NCAPD2: variants seen among roughly 807,000 people sequenced by gnomAD.
The protein encoded by NCAPD2 is non-SMC condensin I complex subunit D2.
NCAPD2 carries 100 observed loss-of-function variants against 164.5 expected under a neutral mutation model. The observed-to-expected ratio is 0.61, with a 90% confidence interval of 0.52 to 0.72. The LOEUF (loss-of-function observed/expected upper bound fraction) is 0.72, where lower values mean the gene tolerates loss of function less well. Among genes scored for constraint, NCAPD2 ranks in the 30% least tolerant of loss-of-function variants. The pLI, the probability that NCAPD2 is intolerant of heterozygous loss-of-function variation, is 0.00. For synonymous variants in NCAPD2, 585 were observed against 642.6 expected, an observed-to-expected ratio of 0.91 and a Z score of 1.36; for missense variants, 1,560 against 1,749.2, an observed-to-expected ratio of 0.89 and a Z score of 1.93.
At position 6,522,933 on chromosome 12, in the gene NCAPD2, C is replaced by T. The variant is rs1442483081; in HGVS notation, c.2060C>T (p.Pro687Leu). 4 of 1,614,174 alleles carry T rather than the reference C, an allele frequency of 2.5e-6. No homozygotes were observed. The highest frequency in any genetic ancestry group is 3.4e-6 in the Non-Finnish European group (4 of 1,180,034). ...CTGCCTCTCATCTGGTCTAAGGAGC[C>T]TGGTGTCCGGGAAGCCGTGCTTAAT... The part of the protein sequence containing the change: ...RMLPLIWSKE[P>L]GVREAVLNAY... The change falls in exon 16 of 32, where the codon CCT (proline) becomes CTT (leucine). Residue 687 changes from proline (P) to leucine (L), a missense_variant. Transcript: ENST00000315579.
chr12:6,527,794 C>T lies in NCAPD2; in HGVS notation c.2925C>T (p.Thr975=). Residue 975 remains threonine, a synonymous_variant, in exon 23 of 32, where the codon ACC becomes ACT. Transcript: ENST00000315579. ...CCCTTTAGAATACGAGCTCTGAGACCACCATGGAGGAGGAGCTGGGGCTGG... is the reference window on the plus strand; with the variant it reads ...CCCTTTAGAATACGAGCTCTGAGACTACCATGGAGGAGGAGCTGGGGCTGG... ...DPKEKNTSSE[T]TMEEELGLVG... is the part of the protein sequence containing the mutation. 4 of 1,612,902 alleles carry T rather than the reference C, an allele frequency of 2.5e-6. No homozygotes were observed. The highest frequency in any genetic ancestry group is 3.4e-6 in the Non-Finnish European group (4 of 1,179,024).
rs1427618586 is a variant in NCAPD2, at chr12:6,529,790, G to A, written c.3669G>A (p.Gln1223=). ...RFRTSRTERQ[Q]RDLAYCVSQL... is the part of the protein sequence containing the mutation. ...CTATCTGCAGAACTGAGCGGCAGCA[G>A]CGAGACCTGGCCTACTGTGTGTCAC... The change falls in exon 29 of 32, where the codon CAG becomes CAA. Residue 1223 remains glutamine, a synonymous_variant. Coordinates refer to ENST00000315579, the MANE Select transcript of NCAPD2 (RefSeq NM_014865.4). 1.2e-6 allele frequency: 2 copies of A among 1,613,376 alleles called. No homozygotes were observed.
rs1216220765 is a variant in NCAPD2 at position 6,527,969 on chromosome 12, C to G, written c.3021C>G (p.Gly1007=). 1.2e-6 allele frequency: 2 copies of G among 1,614,230 alleles called. No individual in the cohort carries two copies. The highest frequency in any genetic ancestry group is 1.7e-6 in the Non-Finnish European group (2 of 1,180,028). Residue 1007 remains glycine, a splice_region_variant and synonymous_variant, in exon 24 of 32, where the codon GGC becomes GGG. Transcript: ENST00000315579. ...AACCTGCAGTTACTCTTCCAACAGG[C>G]AAACAGACACTGGCTGCCTTTGTTC... ...RGICEMELLD[G]KQTLAAFVPL... is the part of the protein sequence containing the mutation.
In NCAPD2 at chr12:6,517,666, G is replaced by A. The variant is rs1432943755; in HGVS notation, c.1391G>A (p.Arg464Lys). Residue 464 changes from arginine (R) to lysine (K), a missense_variant, in exon 12 of 32, where the codon AGG becomes AAG. Arg to Lys is a conservative substitution (Grantham distance 26). Transcript: ENST00000315579. ...AAATTACAAGAGATGAGGGCCCAGA[G>A]GCGAACTGCAGCAGCTTGTAAGTAG... The part of the protein sequence containing the change: ...TQKLQEMRAQ[R>K]RTAAASAVLD... 4 of 1,614,250 alleles carry A rather than the reference G, an allele frequency of 2.5e-6. No homozygotes were observed. In the South Asian group the frequency reaches 4.4e-5, roughly 18 times the overall value.
chr12:6,503,410 C>T (rs117240847), intron 2 of NCAPD2, among the ~76,000 whole-genome samples: 3,848 of 152,180 alleles, frequency 0.025, 121 homozygotes, highest in East Asian at 0.12. Context: ...GCTGCATTGT[C>T]ACAGGGCAGA....
chr12:6,522,925 T>A lies in NCAPD2; in HGVS notation c.2052T>A (p.Ser684=), dbSNP rs1456367244. ...GCCGTATGCTGCCTCTCATCTGGTC[T>A]AAGGAGCCTGGTGTCCGGGAAGCCG... is the stretch of plus-strand genomic sequence containing the variant. ...GVRRMLPLIW[S]KEPGVREAVL... The change falls in exon 16 of 32, where the codon TCT becomes TCA. Residue 684 remains serine, a synonymous_variant. Transcript: ENST00000315579. The A allele has an allele frequency of 1.2e-6, 2 of 1,614,206 alleles. No individual in the cohort carries two copies. Among genetic ancestry groups the A allele is most frequent in the Non-Finnish European group, 1.7e-6 (2 of 1,180,038 alleles).
intron 2 of NCAPD2, among the ~76,000 whole-genome samples, chr12:6,500,209 G>A (rs1565538425): frequency 6.6e-6 from 1 of 152,132 alleles, no homozygotes; most frequent in Non-Finnish European, 1.5e-5. Context: ...GATTGTTAAG[G>A]CCAGGAGTTC....
chr12:6,509,845 T>C (rs1024567747), intron 3 of NCAPD2, 53 bp downstream of exon 3: 1 of 1,568,752 alleles, frequency 6.4e-7, no homozygotes, highest in East Asian at 2.2e-5. Flanking sequence ...CTGTTTGTCC[T>C]AACTGTGCAT....
At chr12:6,520,370 G>A (rs1946253480) in intron 13 of NCAPD2, among the ~76,000 whole-genome samples, 1 of 150,978 alleles carries the variant, frequency 6.6e-6, no homozygotes, top group Non-Finnish European at 1.5e-5. Context: ...GCTCCCTCGA[G>A]TAGCTGAGAC....
intron 13 of NCAPD2, 37 bp from the exon 14 acceptor site, chr12:6,520,947 GAC>G: frequency 1.2e-6 from 2 of 1,612,622 alleles, no homozygotes; most frequent in Admixed American, 3.3e-5. Context: ...CGGCTGCAGT[GAC>G]ATTCTTCTGG....
chr12:6,495,665 C>G lies in NCAPD2; in HGVS notation c.127+440C>G, dbSNP rs558322027. On this transcript the variant is annotated intron_variant, in intron 2 of 31. Transcript: ENST00000315579. The stretch of plus-strand genomic sequence containing the variant: ...ATAATATATATGTACCACTGCAACA[C>G]TGAGCAATATATGTACAGTGCAGTC... 2.6e-5 allele frequency among the ~76,000 whole-genome samples: 4 copies of G among 152,310 alleles called. No homozygotes were observed. In the South Asian group the frequency reaches 8.3e-4, roughly 32 times the overall value.
chr12:6,530,083 A>G (rs2137062757), intron 29 of NCAPD2, 125 bp downstream of exon 29: 7 of 1,044,844 alleles, frequency 6.7e-6, no homozygotes, highest in East Asian at 5.2e-5. Context: ...CTGGGTTGCA[A>G]CCAAATTGCC....
rs767859123 is a variant in NCAPD2, at chr12:6,514,552, C to G, written c.804C>G (p.Asp268Glu). The change falls in exon 8 of 32, where the codon GAC becomes GAG. Residue 268 changes from aspartate to glutamate, a missense_variant. Transcript: ENST00000315579. ...LVAAVSLWAT[D>E]YGMKSIVGEI... ...CAGCCGTGAGTCTATGGGCAACTGA[C>G]TATGGAATGAAGAGCATAGTGGGAG... The G allele has an allele frequency of 2.5e-6, 4 of 1,614,092 alleles. No individual in the cohort carries two copies. In the South Asian group the frequency reaches 3.3e-5, roughly 13 times the overall value.
Position 6,495,086 on chromosome 12 carries a change from CT to C in NCAPD2, c.-12del, listed in dbSNP as rs1945965065. Reference sequence around the variant, plus strand: ...CTGTTTGGTTTCTAGCCCTGTGAGCCTGTAGGAGTAGAATGGCTCCCCAAAT... The same window carrying C: ...CTGTTTGGTTTCTAGCCCTGTGAGCCGTAGGAGTAGAATGGCTCCCCAAAT... On this transcript the variant is annotated 5_prime_UTR_variant, in exon 2 of 32. Transcript: ENST00000315579. 3 of 1,613,958 alleles carry C rather than the reference CT, an allele frequency of 1.9e-6. No homozygotes were observed. In the East Asian group the frequency reaches 6.7e-5, roughly 36 times the overall value.
At position 6,531,190 on chromosome 12, in the gene NCAPD2, G is replaced by A. The variant is rs747733534; in HGVS notation, c.4120+114G>A. Reference sequence around the variant, plus strand: ...AGTGTAGATGCTCTGCCCCACTGCCGCAGAAGGGCCTCTCCTGTACAGCTT... The same window carrying A: ...AGTGTAGATGCTCTGCCCCACTGCCACAGAAGGGCCTCTCCTGTACAGCTT... On this transcript the variant is annotated intron_variant, in intron 31 of 31. Transcript: ENST00000315579. This position sits in a 1 kb window ranked among gnomAD's most constrained non-coding sequence, Gnocchi z 4.1. The A allele has an allele frequency of 4.3e-5, 64 of 1,499,392 alleles. No homozygotes were observed. The highest frequency in any genetic ancestry group is 2.4e-4 in the Middle Eastern group (1 of 4,172). The allele number at this position is 1,499,392 out of a possible 1,614,324, so 92.9% of individuals were successfully genotyped here.
intron 6 of NCAPD2, among the ~76,000 whole-genome samples, chr12:6,513,512 C>G (rs1335239265): frequency 6.6e-6 from 1 of 151,526 alleles, no homozygotes; most frequent in Non-Finnish European, 1.5e-5. Flanking sequence ...CAGACCCTGT[C>G]TCAAAAAAAA....
rs1946179693 is a variant in NCAPD2, at chr12:6,514,342, C to T, written c.665C>T (p.Ala222Val). ...NHQKNRPTRE[A>V]ITHLLGVALT... ...CAGAAGAACCGCCCCACTCGGGAAG[C>T]CATAACACACCTGCTTGGTGTAGCC... Residue 222 changes from alanine to valine, a missense_variant, in exon 7 of 32, where the codon GCC becomes GTC. Transcript: ENST00000315579. The T allele has an allele frequency of 2.5e-6, 4 of 1,614,118 alleles. No individual in the cohort carries two copies. The South Asian group carries it at 3.3e-5, about 13-fold the overall frequency.
chr12:6,495,989 A>G (rs7975360), intron 2 of NCAPD2, among the ~76,000 whole-genome samples: 23,803 of 151,820 alleles, frequency 0.16, 2,152 homozygotes, highest in East Asian at 0.31. Flanking sequence ...CAGCTCGACA[A>G]TATGGTCCTA....
chr12:6,511,628 C>T (rs1393166317), intron 6 of NCAPD2, among the ~76,000 whole-genome samples: 2 of 152,008 alleles, frequency 1.3e-5, no homozygotes, highest in Non-Finnish European at 2.9e-5. Flanking sequence ...CACGCCCAGC[C>T]AGAAGTCTAT....
Sources: gnomAD v4.1 joint callset for allele counts (sites outside exome capture counted in the v4.1 genomes callset) on GRCh38, gnomAD v4.1.1 for gene constraint, Gnocchi (gnomAD v3.1) non-coding constraint, MANE v1.5 for transcripts, NCBI Gene and HGNC (gene_info 2026-07-23, HGNC 2026-07-21) for gene names.